The following ALDH2 variants were observed in gnomAD, a reference collection of about 807,000 sequenced individuals.
The protein encoded by ALDH2 is aldehyde dehydrogenase 2 family member.
In ALDH2, 44 loss-of-function variants were observed where a neutral mutation model predicts 59.6. The ratio of observed to expected loss-of-function variants is 0.74; its 90% CI spans 0.58 to 0.95. The LOEUF is 0.95. Ranked by LOEUF, ALDH2 falls within the 40% of genes least tolerant of loss-of-function variation. The pLI is 0.00. For missense variants in ALDH2, 570 were observed against 696.3 expected (o/e 0.82, Z 2.04); for synonymous variants, 291 against 284.0 (o/e 1.02, Z -0.25).
intron 7 of ALDH2, 61 bp from the exon 8 acceptor site, chr12:111,792,000 A>G: frequency 9.7e-7 from 1 of 1,029,636 alleles, no homozygotes; most frequent in East Asian, 2.4e-5. Flanking sequence ...CTGTGTCTAT[A>G]GAGTGCTGGA....
At position 111,792,636 on chromosome 12, in the gene ALDH2, T is replaced by C. The variant is rs2068370650; in HGVS notation, c.937T>C (p.Phe313Leu). 6.2e-7 allele frequency: 1 copy of C among 1,613,002 alleles called. No individual in the cohort carries two copies. The highest frequency in any genetic ancestry group is 1.1e-5 in the South Asian group (1 of 90,864). The change falls in exon 9 of 13, where the codon TTC becomes CTC. Residue 313 changes from phenylalanine (F) to leucine (L), a missense_variant. By Grantham distance (22) the Phe-to-Leu change is conservative. Transcript: ENST00000261733. ...AVEQAHFALF[F>L]NQGQCCCAGS... is the part of the protein sequence containing the mutation. ...GGAACAGGCCCACTTCGCCCTGTTC[T>C]TCAACCAGGGCCAGTGCTGCTGTGC...
Position 111,792,209 on chromosome 12 carries a change from C to A in ALDH2, c.898+46C>A, listed in dbSNP as rs554490237. 7.7e-6 allele frequency: 11 copies of A among 1,434,542 alleles called. No homozygotes were observed. In the South Asian group the frequency reaches 1.3e-4, roughly 17 times the overall value. The allele number at this position is 1,434,542 out of a possible 1,614,324, so 88.9% of individuals were successfully genotyped here. A position where few individuals can be genotyped will look rare whatever the true frequency, so the allele number is the denominator to read the frequency against. ...GGCCTGGCCTTGAAGGTAGCCCTGG[C>A]CACCTGTGTTGTGGCTCCAGCCGAT... On this transcript the variant is annotated intron_variant, in intron 8 of 12. Transcript: ENST00000261733.
intron 4 of ALDH2, among the ~76,000 whole-genome samples, chr12:111,786,217 T>G (rs1055164284): frequency 1.3e-5 from 2 of 151,704 alleles, no homozygotes; most frequent in South Asian, 4.2e-4. Flanking sequence ...TCAAAAATGT[T>G]TGATTGATTG....
At chr12:111,797,391 C>T (rs2068413207) in intron 9 of ALDH2, among the ~76,000 whole-genome samples, 1 of 152,118 alleles carries the variant, frequency 6.6e-6, no homozygotes, top group African/African-American at 2.4e-5. Flanking sequence ...TTTGCCTTTA[C>T]AAAATGCTCC....
intron 1 of ALDH2, among the ~76,000 whole-genome samples, chr12:111,780,726 G>C (rs1026724415): frequency 4.6e-5 from 7 of 152,162 alleles, no homozygotes; most frequent in Non-Finnish European, 8.8e-5. Flanking sequence ...TGGGCACCAT[G>C]AGAGCATGGT....
At chr12:111,798,315 T>C in intron 10 of ALDH2, 73 bp downstream of exon 10, 1 of 1,465,522 alleles carries the variant, frequency 6.8e-7, no homozygotes, top group Non-Finnish European at 9.1e-7. Context: ...CCTGGCATCC[T>C]GATGCTGTCA....
chr12:111,785,490 G>A (rs1475890468), intron 4 of ALDH2, 144 bp downstream of exon 4: 1 of 689,378 alleles, frequency 1.5e-6, no homozygotes, highest in Non-Finnish European at 2.5e-6. Flanking sequence ...TTGGGAGGCT[G>A]AGCCAGGTGG....
At chr12:111,775,704 G>C in intron 1 of ALDH2, 1 of 455,560 alleles carries the variant, frequency 2.2e-6, no homozygotes, top group Non-Finnish European at 4.4e-6. Context: ...CCGCCCAAGA[G>C]CGTTTACGTG....
intron 4 of ALDH2, 109 bp downstream of exon 4, chr12:111,785,455 A>G (rs2068302727): frequency 1.1e-6 from 1 of 925,422 alleles, no homozygotes; most frequent in Non-Finnish European, 1.7e-6. Flanking sequence ...AGAGCGCGGT[A>G]TCTCATGCCT....
chr12:111,784,825 G>C (rs112239060), intron 3 of ALDH2, among the ~76,000 whole-genome samples: 11 of 152,206 alleles, frequency 7.2e-5, no homozygotes, highest in African/African-American at 2.7e-4. Flanking sequence ...TTTTGGTCAG[G>C]CTGGTCTCGA....
In ALDH2 at chr12:111,811,170, C is replaced by T. The variant is rs2068532468; in HGVS notation, c.*1595C>T. ...TGACCAACAGGGAGAAACCCCATCT[C>T]TACTGAAAATACAAAAAAAAAAAAA... is the stretch of plus-strand genomic sequence containing the variant. On this transcript the variant is annotated 3_prime_UTR_variant, in exon 13 of 13. Coordinates refer to ENST00000261733, the MANE Select transcript of ALDH2 (RefSeq NM_000690.4). 1 of 145,456 alleles carries T rather than the reference C, an allele frequency of 6.9e-6. No individual in the cohort carries two copies. The highest frequency in any genetic ancestry group is 1.5e-5 in the Non-Finnish European group (1 of 67,030). 9.0% of individuals were successfully genotyped at this position (145,456 alleles called of 1,614,324 possible). A position where few individuals can be genotyped will look rare whatever the true frequency, so the allele number is the denominator to read the frequency against.
At chr12:111,791,814 G>A (rs1593079698) in intron 7 of ALDH2, among the ~76,000 whole-genome samples, 2 of 152,212 alleles carry the variant, frequency 1.3e-5, no homozygotes, top group African/African-American at 2.4e-5. Context: ...AGGCAGGAGG[G>A]TTGCCAGAGC....
chr12:111,781,926 A>T lies in ALDH2; in HGVS notation c.123A>T (p.Ile41=). The change falls in exon 2 of 13, where the codon ATA becomes ATT. Residue 41 remains isoleucine, a synonymous_variant. Coordinates refer to ENST00000261733, the MANE Select transcript of ALDH2 (RefSeq NM_000690.4). ...TTTCCTTCTCATTGTAGATTTTCATAAACAATGAATGGCACGATGCCGTCA... is the reference window on the plus strand; with the variant it reads ...TTTCCTTCTCATTGTAGATTTTCATTAACAATGAATGGCACGATGCCGTCA... ...QPEVFCNQIF[I]NNEWHDAVSR... is the part of the protein sequence containing the mutation. The T allele has an allele frequency of 6.2e-7, 1 of 1,613,354 alleles. No individual in the cohort carries two copies. Among genetic ancestry groups the T allele is most frequent in the Non-Finnish European group, 8.5e-7 (1 of 1,179,408 alleles).
chr12:111,782,914 A>C (rs1369664838), intron 2 of ALDH2, among the ~76,000 whole-genome samples: 3 of 152,056 alleles, frequency 2.0e-5, no homozygotes, highest in Non-Finnish European at 4.4e-5. Flanking sequence ...GAAAATACAG[A>C]AATTATCCGG....
At chr12:111,769,828 C>T (rs1461251715) in intron 1 of ALDH2, among the ~76,000 whole-genome samples, 1 of 152,054 alleles carries the variant, frequency 6.6e-6, no homozygotes. Flanking sequence ...GTGGACTCTG[C>T]ACCTCAGCTG....
intron 1 of ALDH2, among the ~76,000 whole-genome samples, chr12:111,776,176 C>A (rs886253082): frequency 6.6e-6 from 1 of 152,176 alleles, no homozygotes; most frequent in Non-Finnish European, 1.5e-5. Flanking sequence ...CCCCTTCCTA[C>A]TTCCTGATCT....
chr12:111,767,193 A>T (rs1210643569), intron 1 of ALDH2, 97 bp downstream of exon 1: 1 of 999,572 alleles, frequency 1.0e-6, no homozygotes, highest in Non-Finnish European at 1.4e-6. Context: ...TAGTGTACTC[A>T]TCTGGGGCTC....
At position 111,799,973 on chromosome 12, in the gene ALDH2, A is replaced by G. The variant is rs2068437085; in HGVS notation, c.1316A>G (p.Asn439Ser). 4 of 1,613,958 alleles carry G rather than the reference A, an allele frequency of 2.5e-6. No homozygotes were observed. Among genetic ancestry groups the G allele is most frequent in the Non-Finnish European group, 3.4e-6 (4 of 1,180,036 alleles). ...GAGGAGGTTGTTGGGAGAGCCAACAATTCCACGTACGGGCTGGCCGCAGCT... is the reference window on the plus strand; with the variant it reads ...GAGGAGGTTGTTGGGAGAGCCAACAGTTCCACGTACGGGCTGGCCGCAGCT... ...TIEEVVGRAN[N>S]STYGLAAAVF... is the part of the protein sequence containing the mutation. The change falls in exon 11 of 13, where the codon AAT (asparagine) becomes AGT (serine). Residue 439 changes from asparagine (N) to serine (S), a missense_variant. Transcript: ENST00000261733.
intron 3 of ALDH2, 97 bp downstream of exon 3, chr12:111,783,395 A>G (rs1448794146): frequency 1.4e-6 from 2 of 1,446,222 alleles, no homozygotes; most frequent in African/African-American, 2.8e-5. Context: ...GTGAACAGCC[A>G]GGGAACACAC....
Sources: gnomAD v4.1 joint callset for allele counts (sites outside exome capture counted in the v4.1 genomes callset) on GRCh38, gnomAD v4.1.1 for gene constraint, MANE v1.5 for transcripts, NCBI Gene and HGNC (gene_info 2026-07-23, HGNC 2026-07-21) for gene names.